KIAA1217: variants seen among roughly 807,000 people sequenced by gnomAD.
KIAA1217 encodes the protein KIAA1217.
A neutral mutation model predicts 163.9 loss-of-function variants in KIAA1217; 88 were observed. The ratio of observed to expected loss-of-function variants is 0.54; its 90% CI spans 0.45 to 0.64. KIAA1217 has a LOEUF of 0.64. Among genes scored for constraint, KIAA1217 ranks in the 30% least tolerant of loss-of-function variants. KIAA1217 has a pLI of 0.00. For missense variants in KIAA1217, 2,372 were observed against 2,475.0 expected (o/e 0.96, Z 0.88); for synonymous variants, 903 against 923.1 (o/e 0.98, Z 0.39).
At chr10:24,178,960 T>G (rs752600478) in intron 2 of KIAA1217, among the ~76,000 whole-genome samples, 9 of 152,210 alleles carry the variant, frequency 5.9e-5, no homozygotes, top group Non-Finnish European at 1.3e-4. Flanking sequence ...TTCTTCCTAT[T>G]ATTCATTTGC....
intron 1 of KIAA1217, among the ~76,000 whole-genome samples, chr10:23,753,631 A>G (rs899565192): frequency 1.2e-4 from 18 of 152,332 alleles, no homozygotes; most frequent in African/African-American, 4.3e-4. Context: ...AGCAAGAGTT[A>G]TCCAGACTTC....
intron 2 of KIAA1217, among the ~76,000 whole-genome samples, chr10:24,177,380 T>C (rs1391621798): frequency 6.8e-6 from 1 of 146,464 alleles, no homozygotes; most frequent in African/African-American, 2.5e-5. Flanking sequence ...TATATATATA[T>C]GTGTGTGTCT....
rs143040748 is a variant in KIAA1217 at position 24,039,784 on chromosome 10, TGATATA to T, written c.-171+32421_-171+32426del. On this transcript the variant is annotated intron_variant, in intron 2 of 18. Coordinates refer to the KIAA1217 transcript ENST00000376462. ...CATATCCATATGTATCTTATTGGCATGATATAGATATAGATAGATATAGATATAGAT... is the reference window on the plus strand; with the variant it reads ...CATATCCATATGTATCTTATTGGCATGATATAGATAGATATAGATATAGAT... Among the ~76,000 whole-genome samples, 106 of 146,740 alleles carry T rather than the reference TGATATA, an allele frequency of 7.2e-4. 1 individual carries two copies. Among genetic ancestry groups the T allele is most frequent in the Non-Finnish European group, 7.2e-4 (48 of 66,804 alleles).
chr10:23,891,287 A>G (rs1841406156), intron 1 of KIAA1217, among the ~76,000 whole-genome samples: 1 of 151,650 alleles, frequency 6.6e-6, no homozygotes, highest in Non-Finnish European at 1.5e-5. Flanking sequence ...TTTTCCCTTT[A>G]TTCTTTTAAT....
intron 1 of KIAA1217, among the ~76,000 whole-genome samples, chr10:23,778,259 G>T (rs1835095363): frequency 6.6e-6 from 1 of 152,074 alleles, no homozygotes; most frequent in Non-Finnish European, 1.5e-5. Flanking sequence ...TATTTTTGTG[G>T]CAGGTAGACG....
intron 1 of KIAA1217, among the ~76,000 whole-genome samples, chr10:23,887,466 A>C (rs1333186999): frequency 2.6e-5 from 4 of 151,934 alleles, no homozygotes; most frequent in Non-Finnish European, 5.9e-5. Context: ...TCTAATGTGA[A>C]TGTGAGGCTT....
intron 1 of KIAA1217, among the ~76,000 whole-genome samples, chr10:23,700,598 C>T (rs1836380825): frequency 6.6e-6 from 1 of 152,122 alleles, no homozygotes; most frequent in Admixed American, 6.5e-5. Context: ...CTTTAATCAC[C>T]ATGCTTCCAC....
At chr10:24,256,665 T>A (rs1470673051) in intron 2 of KIAA1217, among the ~76,000 whole-genome samples, 5 of 152,196 alleles carry the variant, frequency 3.3e-5, no homozygotes, top group African/African-American at 1.2e-4. Flanking sequence ...TAGTAGAAAC[T>A]GTTAGCAGTA....
chr10:23,866,205 G>C (rs1840176451), intron 1 of KIAA1217, among the ~76,000 whole-genome samples: 1 of 152,004 alleles, frequency 6.6e-6, no homozygotes, highest in East Asian at 1.9e-4. Context: ...TGATGTCGGG[G>C]GGAGATATTG....
chr10:23,734,695 CA>C (rs1838694187), intron 1 of KIAA1217, among the ~76,000 whole-genome samples: 1 of 152,152 alleles, frequency 6.6e-6, no homozygotes, highest in Admixed American at 6.6e-5. Context: ...GTGATTTCTG[CA>C]ACTGGCAACT....
chr10:24,055,462 C>A (rs1252483339), intron 2 of KIAA1217, among the ~76,000 whole-genome samples: 1 of 152,108 alleles, frequency 6.6e-6, no homozygotes, highest in Non-Finnish European at 1.5e-5. Context: ...GCTAAGGGGA[C>A]CCCTACTCCT....
At chr10:24,245,589 AG>A (rs1308919458) in intron 2 of KIAA1217, among the ~76,000 whole-genome samples, 1 of 152,062 alleles carries the variant, frequency 6.6e-6, no homozygotes, top group Non-Finnish European at 1.5e-5. Flanking sequence ...GCCCCTCAGA[AG>A]GTCACAGGGA....
At chr10:23,800,078 C>T (rs1413186835) in intron 1 of KIAA1217, among the ~76,000 whole-genome samples, 1 of 152,094 alleles carries the variant, frequency 6.6e-6, no homozygotes, top group Non-Finnish European at 1.5e-5. Context: ...CATCTTCTCA[C>T]AGACCACCGA....
chr10:24,402,233 G>T (rs1467327448), intron 3 of KIAA1217, among the ~76,000 whole-genome samples: 3 of 152,104 alleles, frequency 2.0e-5, no homozygotes, highest in Admixed American at 6.5e-5. Flanking sequence ...GTGGTCAGGC[G>T]CAGTGACTCA....
At chr10:24,347,746 C>T (rs1237007623) in intron 2 of KIAA1217, among the ~76,000 whole-genome samples, 8 of 152,138 alleles carry the variant, frequency 5.3e-5, no homozygotes, top group East Asian at 1.9e-4. Flanking sequence ...ATGCCAGTTT[C>T]GTGAAGAAAT....
chr10:24,543,044 T>C lies in KIAA1217; in HGVS notation c.3774T>C (p.Tyr1258=). The C allele has an allele frequency of 1.2e-6, 2 of 1,613,920 alleles. No homozygotes were observed. Among genetic ancestry groups the C allele is most frequent in the East Asian group, 2.2e-5 (1 of 44,858 alleles). Residue 1258 remains tyrosine, a synonymous_variant, in exon 19 of 21, where the codon TAT becomes TAC. Coordinates refer to ENST00000376454, the MANE Select transcript of KIAA1217 (RefSeq NM_019590.5). The stretch of plus-strand genomic sequence containing the variant: ...GTTTACTCAGAGACAGTAGAAACTA[T>C]TCCCAGGAAACTGTGCCTAAGGCCA... ...NMSLLRDSRN[Y]SQETVPKASF... is the part of the protein sequence containing the mutation.
chr10:24,085,654 TAC>T (rs2061673570), intron 2 of KIAA1217, among the ~76,000 whole-genome samples: 1 of 150,428 alleles, frequency 6.6e-6, no homozygotes, highest in Non-Finnish European at 1.5e-5. Context: ...CACAGATAAA[TAC>T]ACACAATTTC....
In KIAA1217 at chr10:23,916,841, G is replaced by A. The variant is rs184890195; in HGVS notation, c.-320-90384G>A. On this transcript the variant is annotated intron_variant, in intron 1 of 18. Coordinates refer to the KIAA1217 transcript ENST00000376462. ...ACAAAAATTAGCTGGATGTGGTGGC[G>A]TGTGCCTGTAATTCCAGCTACACGG... is the stretch of plus-strand genomic sequence containing the variant. Among the ~76,000 whole-genome samples the A allele has an allele frequency of 1.1e-4, 17 of 151,810 alleles. No homozygotes were observed. The East Asian group carries it at 2.9e-3, about 26-fold the overall frequency.
intron 3 of KIAA1217, among the ~76,000 whole-genome samples, chr10:24,391,985 G>T (rs897833083): frequency 1.1e-4 from 17 of 152,134 alleles, no homozygotes; most frequent in Admixed American, 9.8e-4. Context: ...AAGTAGGCAA[G>T]TTTTATCTAT....
Sources: allele counts gnomAD v4.1 joint callset (sites outside exome capture counted in the v4.1 genomes callset), GRCh38; gene constraint gnomAD v4.1.1; transcripts MANE v1.5; gene names NCBI Gene and HGNC (gene_info 2026-07-23, HGNC 2026-07-21).